CFTR: variants seen among roughly 807,000 people sequenced by gnomAD.
CFTR encodes cystic fibrosis transmembrane conductance regulator.
CFTR carries 181 observed loss-of-function variants against 171.6 expected under a neutral mutation model. The ratio of observed to expected loss-of-function variants is 1.05; its 90% CI spans 0.93 to 1.19. The LOEUF (loss-of-function observed/expected upper bound fraction) is 1.19, where lower values mean the gene tolerates loss of function less well. Ranked by LOEUF, CFTR falls within the 50% of genes most tolerant of loss-of-function variation. The pLI, the probability that CFTR is intolerant of heterozygous loss-of-function variation, is 0.00. For synonymous variants in CFTR, 583 were observed against 608.0 expected, an observed-to-expected ratio of 0.96 and a Z score of 0.60; for missense variants, 1,968 against 1,734.7, an observed-to-expected ratio of 1.13 and a Z score of -2.39.
chr7:117,597,117 T>G lies in CFTR; in HGVS notation c.2619+2059T>G, dbSNP rs529041841. ...CTGGGGTCTGTAGAAGCTTTGTTCT[T>G]TTGTTCTTTGCAATAAATTTTGCTA... On this transcript the variant is annotated intron_variant, in intron 15 of 26. Coordinates refer to ENST00000003084, the MANE Select transcript of CFTR (RefSeq NM_000492.4). 6.6e-5 allele frequency among the ~76,000 whole-genome samples: 10 copies of G among 152,310 alleles called. No homozygotes were observed. The East Asian group carries it at 1.9e-3, about 29-fold the overall frequency.
chr7:117,505,172 C>T (rs1798394224), intron 2 of CFTR, among the ~76,000 whole-genome samples: 1 of 152,108 alleles, frequency 6.6e-6, no homozygotes, highest in Non-Finnish European at 1.5e-5. Context: ...AACTGAGGCT[C>T]AGAGAGATAA....
intron 15 of CFTR, among the ~76,000 whole-genome samples, chr7:117,596,627 A>G (rs189851290): frequency 6.6e-6 from 1 of 152,218 alleles, no homozygotes; most frequent in Non-Finnish European, 1.5e-5. Context: ...GATTGTAAAT[A>G]CACCAATCAG....
chr7:117,656,049 A>G (rs1364853530), intron 24 of CFTR, among the ~76,000 whole-genome samples: 1 of 152,202 alleles, frequency 6.6e-6, no homozygotes, highest in African/African-American at 2.4e-5. Context: ...GCAGGGGGAC[A>G]GAAGCTTTCA....
Position 117,535,387 on chromosome 7 carries a change from TAGGGAGAATGATGATGAAGTAC to T in CFTR, c.723_743+1del, listed in dbSNP as rs121908804. On this transcript the variant is annotated frameshift_variant and splice_region_variant, in exon 6 of 27. Coordinates refer to ENST00000003084, the MANE Select transcript of CFTR (RefSeq NM_000492.4). LOFTEE classifies it high-confidence loss of function. ...GTCCTTGCCCTTTTTCAGGCTGGGC[TAGGGAGAATGATGATGAAGTAC>T]AGGTAGCAACCTATTTTCATAACTT... 1 of 1,614,146 alleles carries T rather than the reference TAGGGAGAATGATGATGAAGTAC, an allele frequency of 6.2e-7. No individual in the cohort carries two copies. Among genetic ancestry groups the T allele is most frequent in the Non-Finnish European group, 8.5e-7 (1 of 1,180,014 alleles).
At chr7:117,647,801 A>G (rs1793016840) in intron 23 of CFTR, among the ~76,000 whole-genome samples, 1 of 151,882 alleles carries the variant, frequency 6.6e-6, no homozygotes, top group African/African-American at 2.4e-5. Flanking sequence ...GAATTCAGAC[A>G]TGAGTAACAG....
At chr7:117,546,804 A>C (rs564324335) in intron 9 of CFTR, among the ~76,000 whole-genome samples, 9 of 152,308 alleles carry the variant, frequency 5.9e-5, no homozygotes, top group Admixed American at 2.0e-4. Flanking sequence ...TTTGTGCCTA[A>C]ATCATTGTGC....
At chr7:117,536,753 C>A in intron 7 of CFTR, 80 bp downstream of exon 7, 1 of 1,163,280 alleles carries the variant, frequency 8.6e-7, no homozygotes, top group South Asian at 1.3e-5. Context: ...TGGTAGACTT[C>A]CACCTCATAT....
intron 11 of CFTR, among the ~76,000 whole-genome samples, chr7:117,560,183 A>T (rs1407948672): frequency 6.6e-6 from 1 of 152,114 alleles, no homozygotes; most frequent in Non-Finnish European, 1.5e-5. Context: ...ACTTCTAGTG[A>T]CTGCAATTCT....
At chr7:117,581,958 G>A (rs1171638429) in intron 11 of CFTR, among the ~76,000 whole-genome samples, 3 of 151,658 alleles carry the variant, frequency 2.0e-5, no homozygotes, top group African/African-American at 7.3e-5. Flanking sequence ...GTTTCACTAT[G>A]TTGCCCAGGC....
rs557872811 is a variant in CFTR at position 117,548,943 on chromosome 7, G to A, written c.1392+120G>A. 5.0e-6 allele frequency: 7 copies of A among 1,386,726 alleles called. No homozygotes were observed. The African/African-American group carries it at 8.7e-5, about 17-fold the overall frequency. The allele number at this position is 1,386,726 out of a possible 1,614,324, so 85.9% of individuals were successfully genotyped here. A position where few individuals can be genotyped will look rare whatever the true frequency, so the allele number is the denominator to read the frequency against. Reference sequence around the variant, plus strand: ...ATTCTTACATGAGCATTAGGAGAATGTATGGGTGTAGTGTCTTGTATAATA... The same window carrying A: ...ATTCTTACATGAGCATTAGGAGAATATATGGGTGTAGTGTCTTGTATAATA... On this transcript the variant is annotated intron_variant, in intron 10 of 26. Transcript: ENST00000003084.
intron 11 of CFTR, among the ~76,000 whole-genome samples, chr7:117,568,755 G>T (rs1365727616): frequency 6.6e-6 from 1 of 152,084 alleles, no homozygotes; most frequent in African/African-American, 2.4e-5. Flanking sequence ...TATGCAGTGA[G>T]AACATCAGGC....
chr7:117,494,098 T>C (rs1798202186), intron 1 of CFTR, among the ~76,000 whole-genome samples: 1 of 152,112 alleles, frequency 6.6e-6, no homozygotes, highest in Non-Finnish European at 1.5e-5. Flanking sequence ...AGCTTTGTCA[T>C]TGTGATGCAG....
chr7:117,541,852 T>G (rs1179076224), intron 8 of CFTR, among the ~76,000 whole-genome samples, 164 bp from the exon 9 acceptor site: 1 of 152,146 alleles, frequency 6.6e-6, no homozygotes, highest in African/African-American at 2.4e-5. Flanking sequence ...GCTTGGCAAA[T>G]TAACTTTAGA....
At chr7:117,648,642 C>T (rs746318696) in intron 23 of CFTR, among the ~76,000 whole-genome samples, 2 of 152,120 alleles carry the variant, frequency 1.3e-5, no homozygotes, top group African/African-American at 4.8e-5. Context: ...GAGTGTACCA[C>T]GTAGGGCAAA....
chr7:117,562,992 G>A lies in CFTR; in HGVS notation c.1584+3337G>A, dbSNP rs539975248. ...ATGGAGGCCTTGTATACCAGTCTCA[G>A]GAATTTGGTTGTGGAGAGCTTTCAT... On this transcript the variant is annotated intron_variant, in intron 11 of 26. Coordinates refer to ENST00000003084, the MANE Select transcript of CFTR (RefSeq NM_000492.4). Among the ~76,000 whole-genome samples, 16 of 152,248 alleles carry A rather than the reference G, an allele frequency of 1.1e-4. No homozygotes were observed. The East Asian group carries it at 1.2e-3, about 11-fold the overall frequency.
intron 15 of CFTR, among the ~76,000 whole-genome samples, chr7:117,596,148 G>A (rs1792119616): frequency 7.0e-6 from 1 of 143,438 alleles, no homozygotes; most frequent in East Asian, 2.1e-4. Context: ...GAGGTGTGGA[G>A]GGAGAGGCGC....
intron 15 of CFTR, among the ~76,000 whole-genome samples, chr7:117,602,521 G>A (rs970216471): frequency 1.3e-5 from 2 of 152,224 alleles, no homozygotes; most frequent in Admixed American, 1.3e-4. Flanking sequence ...AAAACATTCA[G>A]CTGTGATCTT....
intron 21 of CFTR, among the ~76,000 whole-genome samples, chr7:117,618,837 G>A (rs2116107458): frequency 6.6e-6 from 1 of 152,242 alleles, no homozygotes; most frequent in Admixed American, 6.5e-5. Context: ...AATAGTTTGT[G>A]AATCACCCCT....
At chr7:117,521,199 C>T (rs1303088626) in intron 3 of CFTR, among the ~76,000 whole-genome samples, 1 of 151,950 alleles carries the variant, frequency 6.6e-6, no homozygotes, top group Non-Finnish European at 1.5e-5. Context: ...AAACCTCGAT[C>T]TATTAAATTC....
Sources: allele counts gnomAD v4.1 joint callset (sites outside exome capture counted in the v4.1 genomes callset), GRCh38; gene constraint gnomAD v4.1.1; transcripts MANE v1.5; gene names NCBI Gene and HGNC (gene_info 2026-07-23, HGNC 2026-07-21).